ANLN: variants seen among roughly 807,000 people sequenced by gnomAD.
ANLN encodes anillin.
In ANLN, 59 loss-of-function variants were observed where a neutral mutation model predicts 135.1. The ratio of observed to expected loss-of-function variants is 0.44; its 90% CI spans 0.35 to 0.54. The LOEUF is 0.54. Ranked by LOEUF, ANLN falls within the 20% of genes least tolerant of loss-of-function variation. The pLI is 0.00. For missense variants in ANLN, 1,182 were observed against 1,340.0 expected, an observed-to-expected ratio of 0.88 and a Z score of 1.84; for synonymous variants, 406 against 456.4, an observed-to-expected ratio of 0.89 and a Z score of 1.41.
At chr7:36,424,143 T>C (rs1179975922) in intron 15 of ANLN, among the ~76,000 whole-genome samples, 200 bp downstream of exon 15, 2 of 152,310 alleles carry the variant, frequency 1.3e-5, no homozygotes, top group Non-Finnish European at 2.9e-5. Context: ...GCACCTTTTT[T>C]CCACATGACT....
At chr7:36,398,950 G>A in intron 2 of ANLN, 129 bp from the exon 3 acceptor site, 1 of 708,532 alleles carries the variant, frequency 1.4e-6, no homozygotes, top group Non-Finnish European at 2.3e-6. Flanking sequence ...CATACTTCTG[G>A]TTGTAACTAA....
chr7:36,406,532 C>T lies in ANLN; in HGVS notation c.839C>T (p.Ala280Val), dbSNP rs748050195. 88 of 1,524,910 alleles carry T rather than the reference C, an allele frequency of 5.8e-5. No homozygotes were observed. Among genetic ancestry groups the T allele is most frequent in the Non-Finnish European group, 6.9e-5 (78 of 1,135,000 alleles). The allele number at this position is 1,524,910 out of a possible 1,614,324, so 94.5% of individuals were successfully genotyped here. ...GCCCTATCCTCAAGTGCTGATGATG[C>T]GTCTTTGGTTAATGCCTCAATTTCC... ...NKALSSSADD[A>V]SLVNASISSS... Residue 280 changes from alanine (A) to valine (V), a missense_variant, in exon 4 of 24, where the codon GCG becomes GTG. Around this residue, in one of 3 missense-constraint regions of ANLN, gnomAD observed 1,022 missense variants for 1,134.0 expected, o/e 0.90. Transcript: ENST00000265748.
rs954805495 is a variant in ANLN, at chr7:36,390,006, C to T, written c.-21C>T. ...ATTTGAACCACCGTTTCCATCGTCT[C>T]GTAGTCCGACGCCTGGGGCGATGGA... On this transcript the variant is annotated 5_prime_UTR_variant, in exon 1 of 24. Transcript: ENST00000265748. 1.7e-5 allele frequency: 27 copies of T among 1,613,984 alleles called. No homozygotes were observed. The highest frequency in any genetic ancestry group is 2.0e-5 in the Non-Finnish European group (24 of 1,179,976).
chr7:36,408,000 G>C (rs1418862604), intron 5 of ANLN, 44 bp downstream of exon 5: 10 of 1,409,216 alleles, frequency 7.1e-6, no homozygotes, highest in Non-Finnish European at 8.9e-6. Flanking sequence ...ATTATATTCA[G>C]GATATCTATT....
Position 36,452,572 on chromosome 7 carries a change from C to T in ANLN, c.3347C>T (p.Ala1116Val). 1 of 1,614,022 alleles carries T rather than the reference C, an allele frequency of 6.2e-7. No homozygotes were observed. The highest frequency in any genetic ancestry group is 8.5e-7 in the Non-Finnish European group (1 of 1,179,926). ...LVDIRLWQPDACYKPIGKP is the reference protein window; with the variant it reads ...LVDIRLWQPDVCYKPIGKP The stretch of plus-strand genomic sequence containing the variant: ...GATATTCGCCTCTGGCAACCTGATG[C>T]TTGCTACAAACCTATTGGAAAGCCT... The change falls in exon 24 of 24, where the codon GCT becomes GTT. Residue 1116 changes from alanine to valine, a missense_variant. This residue lies in a region of ANLN where 78 missense variants were observed against 72.7 expected (regional missense o/e 1.07). Transcript: ENST00000265748.
At chr7:36,438,652 G>A (rs768003586) in intron 20 of ANLN, among the ~76,000 whole-genome samples, 2 of 152,182 alleles carry the variant, frequency 1.3e-5, no homozygotes, top group African/African-American at 4.8e-5. Flanking sequence ...GATTACAGGC[G>A]TGAACTACCA....
At chr7:36,410,808 A>G in intron 6 of ANLN, 104 bp downstream of exon 6, 3 of 1,235,902 alleles carry the variant, frequency 2.4e-6, no homozygotes, top group Non-Finnish European at 3.4e-6. Flanking sequence ...GATAAGTAGC[A>G]TCTTGGTTTT....
chr7:36,391,106 A>G (rs1786435285), intron 1 of ANLN, among the ~76,000 whole-genome samples: 1 of 152,272 alleles, frequency 6.6e-6, no homozygotes, highest in African/African-American at 2.4e-5. Context: ...CAAGCATGAC[A>G]TAATCTATTT....
At chr7:36,423,698 A>C in intron 14 of ANLN, 119 bp from the exon 15 acceptor site, 4 of 967,854 alleles carry the variant, frequency 4.1e-6, no homozygotes, top group Non-Finnish European at 5.6e-6. Flanking sequence ...TAGTAATTTT[A>C]AAAATAAATT....
chr7:36,399,712 T>TA (rs1786861140), intron 3 of ANLN, among the ~76,000 whole-genome samples: 2 of 152,190 alleles, frequency 1.3e-5, no homozygotes, highest in Non-Finnish European at 2.9e-5. Flanking sequence ...AGCTCCATGT[T>TA]AAAGAAATCC....
At chr7:36,390,141 A>G in intron 1 of ANLN, 97 bp downstream of exon 1, 2 of 1,595,146 alleles carry the variant, frequency 1.3e-6, no homozygotes, top group Non-Finnish European at 1.7e-6. Context: ...CACCGGGCGG[A>G]GGGCGCGTGT....
At chr7:36,443,109 C>A (rs1407046781) in intron 21 of ANLN, among the ~76,000 whole-genome samples, 1 of 152,122 alleles carries the variant, frequency 6.6e-6, no homozygotes, top group Non-Finnish European at 1.5e-5. Flanking sequence ...ATTCTGGAGC[C>A]CTGTTTCTAT....
chr7:36,422,550 C>T (rs772550468), intron 13 of ANLN, 83 bp from the exon 14 acceptor site: 27 of 1,216,740 alleles, frequency 2.2e-5, no homozygotes, highest in Non-Finnish European at 3.1e-5. Context: ...GTACAGTTTC[C>T]ATATCAGTAC....
chr7:36,417,052 T>A, intron 8 of ANLN, 28 bp from the exon 9 acceptor site: 1 of 1,239,318 alleles, frequency 8.1e-7, no homozygotes, highest in South Asian at 1.4e-5. Context: ...TTATATATAT[T>A]AATATGGTCT....
At chr7:36,405,761 C>T (rs1490795838) in intron 3 of ANLN, among the ~76,000 whole-genome samples, 2 of 152,164 alleles carry the variant, frequency 1.3e-5, no homozygotes, top group South Asian at 2.1e-4. Flanking sequence ...TTCAAGTGCT[C>T]ATTAGTCACA....
Position 36,407,831 on chromosome 7 carries a change from C to T in ANLN, c.971C>T (p.Pro324Leu). 7 of 1,613,782 alleles carry T rather than the reference C, an allele frequency of 4.3e-6. No homozygotes were observed. The highest frequency in any genetic ancestry group is 5.9e-6 in the Non-Finnish European group (7 of 1,179,836). ...PELLPKTPISPLKTGVSKPIV... is the reference protein window; with the variant it reads ...PELLPKTPISLLKTGVSKPIV... ...CTACTTCCAAAAACTCCTATTAGTC[C>T]TCTGAAAACGGGGGTATCGAAACCA... The change falls in exon 5 of 24, where the codon CCT becomes CTT. Residue 324 changes from proline (P) to leucine (L), a missense_variant. Pro to Leu is a moderately conservative substitution (Grantham distance 98, BLOSUM62 -3). Around this residue, in one of 3 missense-constraint regions of ANLN, gnomAD observed 1,022 missense variants for 1,134.0 expected, o/e 0.90. Transcript: ENST00000265748.
At chr7:36,422,065 CTT>C (rs1326742250) in intron 13 of ANLN, 73 bp downstream of exon 13, 15 of 1,522,322 alleles carry the variant, frequency 9.9e-6, no homozygotes, top group Non-Finnish European at 1.2e-5. Context: ...ATTTAGAAAT[CTT>C]TAAGTTTAGA....
At position 36,398,171 on chromosome 7, in the gene ANLN, A is replaced by AT. The variant is rs34778019; in HGVS notation, c.173-896dup. 1.7e-3 allele frequency among the ~76,000 whole-genome samples: 249 copies of AT among 148,674 alleles called. 4 individuals carry two copies. The highest frequency in any genetic ancestry group is 2.5e-3 in the African/African-American group (102 of 40,578). On this transcript the variant is annotated intron_variant, in intron 2 of 23. Transcript: ENST00000265748. Reference sequence around the variant, plus strand: ...ATAATATGCCTTATGGTTCTGATAGATTTTTTTTTTTTAATTTTAGGGCTT... The same window carrying AT: ...ATAATATGCCTTATGGTTCTGATAGATTTTTTTTTTTTTAATTTTAGGGCTT...
chr7:36,426,147 C>A, intron 19 of ANLN, 111 bp downstream of exon 19: 1 of 787,320 alleles, frequency 1.3e-6, no homozygotes, highest in Non-Finnish European at 1.9e-6. Context: ...CCTTGATCTC[C>A]TTTGGAATAA....
Sources: allele counts gnomAD v4.1 joint callset (sites outside exome capture counted in the v4.1 genomes callset), GRCh38; gene constraint gnomAD v4.1.1; regional missense constraint gnomAD v4.1.1; transcripts MANE v1.5; gene names NCBI Gene and HGNC (gene_info 2026-07-23, HGNC 2026-07-21).